MBD1: variants seen among roughly 807,000 people sequenced by gnomAD.
The protein encoded by MBD1 is methyl-CpG binding domain protein 1.
A neutral mutation model predicts 82.6 loss-of-function variants in MBD1; 25 were observed. The observed-to-expected ratio is 0.30, with a 90% CI of 0.22 to 0.42. The LOEUF is 0.42. MBD1 is among the 10% of genes least tolerant of loss of function. MBD1 has a pLI of 1.00. For missense variants in MBD1, 627 were observed against 819.6 expected (o/e 0.76, Z 2.87); for synonymous variants, 301 against 303.7 (o/e 0.99, Z 0.09).
intron 16 of MBD1, chr18:50,270,115 C>A: frequency 6.3e-7 from 1 of 1,598,308 alleles, no homozygotes; most frequent in South Asian, 1.1e-5. Context: ...ATCAGTCTAT[C>A]CAGTCTTGAC....
upstream of MBD1, chr18:50,281,533 A>G (rs913562363): frequency 4.9e-5 from 28 of 576,780 alleles, no homozygotes; most frequent in Admixed American, 5.4e-4. Flanking sequence ...CGGAACCGGA[A>G]GTCCGCTGCC....
intron 13 of MBD1, 96 bp from the exon 14 acceptor site, chr18:50,273,051 C>T: frequency 6.7e-7 from 1 of 1,486,814 alleles, no homozygotes; most frequent in Non-Finnish European, 9.3e-7. Flanking sequence ...ACAAATCCTA[C>T]TTCCATCACA....
intron 16 of MBD1, chr18:50,270,252 C>G: frequency 8.2e-7 from 1 of 1,222,208 alleles, no homozygotes; most frequent in South Asian, 1.2e-5. Flanking sequence ...AGGGCTGGGA[C>G]TAGGGTAAGG....
Position 50,279,926 on chromosome 18 carries a change from T to G in MBD1, c.67A>C (p.Lys23Gln). ...GAGCGTCCACAGGTGGCCCCTGACTTGCGAAAGACTTCGCGGCGCTTCCAG... is the reference window on the plus strand; with the variant it reads ...GAGCGTCCACAGGTGGCCCCTGACTGGCGAAAGACTTCGCGGCGCTTCCAG... ...PGWKRREVFR[K>Q]SGATCGRSDT... Residue 23 changes from lysine to glutamine, a missense_variant, in exon 2 of 17, where the codon AAG (lysine) becomes CAG (glutamine). By Grantham distance (53) the Lys-to-Gln change is moderately conservative. Transcript: ENST00000269468. 6.2e-7 allele frequency: 1 copy of G among 1,613,846 alleles called. No homozygotes were observed. The highest frequency in any genetic ancestry group is 8.5e-7 in the Non-Finnish European group (1 of 1,180,006).
rs772270619 is a variant in MBD1, at chr18:50,272,933, G to A, written c.1607C>T (p.Ser536Phe). The A allele has an allele frequency of 2.5e-6, 4 of 1,614,062 alleles. No homozygotes were observed. The highest frequency in any genetic ancestry group is 3.4e-6 in the Non-Finnish European group (4 of 1,180,042). Residue 536 changes from serine to phenylalanine, a missense_variant, in exon 14 of 17, where the codon TCT becomes TTT. Ser to Phe is a radical substitution (Grantham distance 155). Transcript: ENST00000269468. ...PSKAVDPGLP[S>F]VKQEPPDPEE... is the part of the protein sequence containing the mutation. ...TGGGTCAGGTGGCTCTTGCTTCACA[G>A]AAGGCAGGCCTGGGTCTACTGCCTG...
chr18:50,272,510 C>A, intron 15 of MBD1, 167 bp downstream of exon 15: 1 of 777,480 alleles, frequency 1.3e-6, no homozygotes, highest in Non-Finnish European at 2.3e-6. Context: ...CAGGAGAAAT[C>A]TCTAGGGTCC....
intron 8 of MBD1, 111 bp from the exon 9 acceptor site, chr18:50,275,356 C>T (rs369565929): frequency 2.0e-4 from 321 of 1,611,736 alleles, no homozygotes; most frequent in Non-Finnish European, 2.5e-4. Context: ...CAGAGGGTGG[C>T]GTGAGGCACT....
In MBD1 at chr18:50,269,433, C is replaced by G. The variant is rs2034551896; in HGVS notation, c.*418G>C. The G allele has an allele frequency of 4.8e-6, 4 of 837,376 alleles. No individual in the cohort carries two copies. The highest frequency in any genetic ancestry group is 5.5e-6 in the Non-Finnish European group (3 of 541,140). The allele number at this position is 837,376 out of a possible 1,614,324, so 51.9% of individuals were successfully genotyped here. On this transcript the variant is annotated 3_prime_UTR_variant, in exon 17 of 17. Transcript: ENST00000269468. ...TGATAACCGGAGGGCGGAAGTGAAG[C>G]AGCAGCACATTGTTTTTACACTTGG...
rs1262457866 is a variant in MBD1 at position 50,281,490 on chromosome 18, G to A, written c.-153C>T. The A allele has an allele frequency of 3.4e-6, 2 of 583,954 alleles. No homozygotes were observed. The highest frequency in any genetic ancestry group is 2.8e-5 in the East Asian group (1 of 35,090). 36.2% of individuals were successfully genotyped at this position (583,954 alleles called of 1,614,324 possible). On this transcript the variant is annotated 5_prime_UTR_variant, in exon 1 of 17. Coordinates refer to ENST00000269468, the MANE Select transcript of MBD1 (RefSeq NM_015846.4). ...CTCCGCGGCCGCCTCCTCTGAAGCG[G>A]TAGCTGTCGCCTCCGCGGCTGTTCG...
At position 50,269,269 on chromosome 18, in the gene MBD1, T is replaced by G; in HGVS notation, c.*582A>C. ...CTTTGCATTTTCAGCCACATAGTTA[T>G]ATTGAGTTATCCTCAGGTGAGCAGT... On this transcript the variant is annotated 3_prime_UTR_variant, in exon 17 of 17. Coordinates refer to ENST00000269468, the MANE Select transcript of MBD1 (RefSeq NM_015846.4). 1 of 1,159,110 alleles carries G rather than the reference T, an allele frequency of 8.6e-7. No individual in the cohort carries two copies. Among genetic ancestry groups the G allele is most frequent in the Non-Finnish European group, 1.1e-6 (1 of 931,086 alleles). 71.8% of individuals were successfully genotyped at this position (1,159,110 alleles called of 1,614,324 possible). A position where few individuals can be genotyped will look rare whatever the true frequency, so the allele number is the denominator to read the frequency against.
Position 50,276,706 on chromosome 18 carries a change from C to T in MBD1, c.431G>A (p.Gly144Asp). The T allele has an allele frequency of 6.2e-7, 1 of 1,614,196 alleles. No individual in the cohort carries two copies. The highest frequency in any genetic ancestry group is 8.5e-7 in the Non-Finnish European group (1 of 1,180,042). ...CGTTTTGAGCCGCTGCCTTTGGGTG[C>T]CATCCCCTGAGAAGCTGATTCCACA... Reference protein sequence around the residue: ...ENCGISFSGDGTQRQRLKTLC... With the variant: ...ENCGISFSGDDTQRQRLKTLC... Residue 144 changes from glycine to aspartate, a missense_variant, in exon 5 of 17, where the codon GGC becomes GAC. Coordinates refer to ENST00000269468, the MANE Select transcript of MBD1 (RefSeq NM_015846.4).
intron 2 of MBD1, among the ~76,000 whole-genome samples, chr18:50,278,073 A>G (rs1261113689): frequency 6.6e-6 from 1 of 152,270 alleles, no homozygotes; most frequent in East Asian, 1.9e-4. Context: ...TGTTTTTTCT[A>G]TCTGATAACT....
At chr18:50,276,080 T>C (rs2037753665) in intron 6 of MBD1, 99 bp from the exon 7 acceptor site, 1 of 1,471,850 alleles carries the variant, frequency 6.8e-7, no homozygotes, top group Admixed American at 1.9e-5. Flanking sequence ...CCATGAATTT[T>C]AGTCCCCCAT....
At position 50,275,585 on chromosome 18, in the gene MBD1, T is replaced by G. The variant is rs1599412420; in HGVS notation, c.792+15A>C. ...TAACAGCAGAATGAGCTCTGCTCCC[T>G]CCAGCCCAACTCACCCGTAGGCAAC... On this transcript the variant is annotated intron_variant, in intron 8 of 16. Transcript: ENST00000269468. 3.1e-6 allele frequency: 5 copies of G among 1,614,156 alleles called. No individual in the cohort carries two copies. Among genetic ancestry groups the G allele is most frequent in the Non-Finnish European group, 3.4e-6 (4 of 1,180,024 alleles).
chr18:50,281,331 G>A (rs2040205236), intron 1 of MBD1, 32 bp downstream of exon 1: 3 of 1,084,526 alleles, frequency 2.8e-6, no homozygotes, highest in East Asian at 2.6e-5. Context: ...CCGCCTGAGC[G>A]CTCTCCACGT....
At position 50,273,419 on chromosome 18, in the gene MBD1, T is replaced by C. The variant is rs745902552; in HGVS notation, c.1499A>G (p.Gln500Arg). Reference protein sequence around the residue: ...SWVVALPQVKQEKADTQDEWT... With the variant: ...SWVVALPQVKREKADTQDEWT... ...CTCGTCCTGGGTATCCGCCTTCTCT[T>C]GCTTCACCTGGGGTAAGGCCACAAC... Residue 500 changes from glutamine (Q) to arginine (R), a missense_variant, in exon 13 of 17, where the codon CAA (glutamine) becomes CGA (arginine). By Grantham distance (43) the Gln-to-Arg change is conservative. Transcript: ENST00000269468. 2.5e-6 allele frequency: 4 copies of C among 1,614,194 alleles called. No homozygotes were observed. Among genetic ancestry groups the C allele is most frequent in the Non-Finnish European group, 3.4e-6 (4 of 1,180,026 alleles).
intron 16 of MBD1, 25 bp downstream of exon 16, chr18:50,271,444 C>G: frequency 6.2e-7 from 1 of 1,614,092 alleles, no homozygotes; most frequent in Non-Finnish European, 8.5e-7. Context: ...TGTTGTCTCT[C>G]ATAAAGCCAG....
At chr18:50,271,363 T>C (rs1391967300) in intron 16 of MBD1, 106 bp downstream of exon 16, 3 of 1,595,202 alleles carry the variant, frequency 1.9e-6, no homozygotes, top group Non-Finnish European at 1.7e-6. Flanking sequence ...TGGTAGTAGG[T>C]TTTTCCTCCT....
chr18:50,267,552 T>C, downstream of MBD1: 2 of 1,387,146 alleles, frequency 1.4e-6, no homozygotes, highest in African/African-American at 2.8e-5. Flanking sequence ...AACTGGTTTC[T>C]GAGAATCAGG....
Sources: gnomAD v4.1 joint callset for allele counts (sites outside exome capture counted in the v4.1 genomes callset) on GRCh38, gnomAD v4.1.1 for gene constraint, MANE v1.5 for transcripts, NCBI Gene and HGNC (gene_info 2026-07-23, HGNC 2026-07-21) for gene names.